ANKS1B: variants seen among roughly 807,000 people sequenced by gnomAD.
ANKS1B encodes the protein ankyrin repeat and sterile alpha motif domain-containing protein 1B.
In ANKS1B, 36 loss-of-function variants were observed where a neutral mutation model predicts 148.3. That is an observed-to-expected ratio of 0.24 (90% CI 0.19 to 0.32). ANKS1B has a LOEUF of 0.32. Among genes scored for constraint, ANKS1B ranks in the 10% least tolerant of loss-of-function variants. The probability of loss-of-function intolerance (pLI) is 1.00; values close to 1 mark genes in which losing one functional copy is unlikely to be tolerated. For synonymous variants in ANKS1B, 542 were observed against 560.8 expected, an observed-to-expected ratio of 0.97 and a Z score of 0.47; for missense variants, 1,157 against 1,542.6, an observed-to-expected ratio of 0.75 and a Z score of 4.19.
chr12:99,801,315 CTTCAAGAAGT>C (rs2066923434), intron 4 of ANKS1B, among the ~76,000 whole-genome samples: 2 of 152,182 alleles, frequency 1.3e-5, no homozygotes, highest in African/African-American at 4.8e-5. Flanking sequence ...CCCCCAGCTT[CTTCAAGAAGT>C]CACCAGTGAA....
intron 17 of ANKS1B, among the ~76,000 whole-genome samples, chr12:98,909,887 A>C (rs1204193832): frequency 4.6e-5 from 7 of 152,242 alleles, no homozygotes; most frequent in Non-Finnish European, 8.8e-5. Context: ...CCTTTCAGCA[A>C]GTACCAGCTT....
chr12:99,387,339 C>A (rs1022369214), intron 12 of ANKS1B, among the ~76,000 whole-genome samples: 2 of 152,106 alleles, frequency 1.3e-5, no homozygotes, highest in South Asian at 4.1e-4. Context: ...GAAGCCTGGC[C>A]GGGCGCGGTG....
chr12:98,994,410 G>A (rs948551350), intron 17 of ANKS1B, among the ~76,000 whole-genome samples: 1 of 152,102 alleles, frequency 6.6e-6, no homozygotes, highest in Non-Finnish European at 1.5e-5. Context: ...GAGGTCAAGA[G>A]CTCAATACCA....
At chr12:99,308,436 G>A (rs1407009149) in intron 12 of ANKS1B, among the ~76,000 whole-genome samples, 1 of 151,902 alleles carries the variant, frequency 6.6e-6, no homozygotes, top group Non-Finnish European at 1.5e-5. Flanking sequence ...ACAAATGTTT[G>A]TCCTTCAATT....
chr12:99,931,847 G>A (rs2094624757), intron 1 of ANKS1B, among the ~76,000 whole-genome samples: 1 of 152,010 alleles, frequency 6.6e-6, no homozygotes, highest in Admixed American at 6.6e-5. Context: ...TCACCCTGTT[G>A]TGCTATCAAA....
intron 14 of ANKS1B, among the ~76,000 whole-genome samples, chr12:99,161,419 C>T (rs907474549): frequency 1.3e-5 from 2 of 152,012 alleles, no homozygotes; most frequent in Non-Finnish European, 2.9e-5. Flanking sequence ...ATCCCAGCTA[C>T]TCGGGAGGCT....
chr12:99,778,182 A>T (rs1426506340), intron 6 of ANKS1B, among the ~76,000 whole-genome samples: 2 of 151,462 alleles, frequency 1.3e-5, no homozygotes, highest in Non-Finnish European at 2.9e-5. Context: ...CCTGGGTGAC[A>T]GAGTGAGACT....
At chr12:98,939,773 GCTTCAAA>G (rs2153007503) in intron 17 of ANKS1B, among the ~76,000 whole-genome samples, 1 of 152,280 alleles carries the variant, frequency 6.6e-6, no homozygotes, top group South Asian at 2.1e-4. Flanking sequence ...AAAGAAAATG[GCTTCAAA>G]GATTCCCAGG....
chr12:99,428,373 G>C (rs1249514505), intron 11 of ANKS1B, among the ~76,000 whole-genome samples: 1 of 152,144 alleles, frequency 6.6e-6, no homozygotes, highest in Non-Finnish European at 1.5e-5. Flanking sequence ...CGGTATCAGA[G>C]CCCAAGTGGG....
chr12:98,891,392 G>T (rs2099752296), intron 17 of ANKS1B, among the ~76,000 whole-genome samples: 1 of 151,760 alleles, frequency 6.6e-6, no homozygotes, highest in Admixed American at 6.6e-5. Flanking sequence ...AAAGAACTCA[G>T]CTTAATCATA....
intron 3 of ANKS1B, among the ~76,000 whole-genome samples, chr12:99,807,667 C>T (rs1055491668): frequency 6.6e-6 from 1 of 152,088 alleles, no homozygotes; most frequent in Non-Finnish European, 1.5e-5. Context: ...ATTTAATCCT[C>T]ATTATGAGAT....
chr12:99,238,149 G>A (rs1234123988), intron 14 of ANKS1B, among the ~76,000 whole-genome samples: 1 of 152,224 alleles, frequency 6.6e-6, no homozygotes, highest in Non-Finnish European at 1.5e-5. Flanking sequence ...CCTAGCCAAG[G>A]GAAACTGTGA....
At chr12:99,283,648 G>T (rs1275295003) in intron 12 of ANKS1B, among the ~76,000 whole-genome samples, 2 of 152,150 alleles carry the variant, frequency 1.3e-5, no homozygotes, top group East Asian at 3.9e-4. Flanking sequence ...TAAATAGCTG[G>T]GTTAAGTAGA....
At chr12:99,045,673 A>G (rs889765023) in intron 17 of ANKS1B, among the ~76,000 whole-genome samples, 1 of 152,200 alleles carries the variant, frequency 6.6e-6, no homozygotes, top group Non-Finnish European at 1.5e-5. Flanking sequence ...TATCTTTCCA[A>G]TGGACACAAC....
At chr12:99,429,825 G>T (rs371127494) in intron 11 of ANKS1B, among the ~76,000 whole-genome samples, 1 of 152,002 alleles carries the variant, frequency 6.6e-6, no homozygotes, top group African/African-American at 2.4e-5. Flanking sequence ...TTAGCCGGGC[G>T]TGGTGGCAGG....
chr12:99,015,276 G>A (rs908176660), intron 17 of ANKS1B, among the ~76,000 whole-genome samples: 9 of 152,052 alleles, frequency 5.9e-5, no homozygotes, highest in Non-Finnish European at 1.2e-4. Flanking sequence ...ACACAGGAAC[G>A]GAAAAGCAAA....
At chr12:99,955,691 T>C (rs756724572) in intron 1 of ANKS1B, among the ~76,000 whole-genome samples, 26 of 152,014 alleles carry the variant, frequency 1.7e-4, no homozygotes, top group Non-Finnish European at 3.2e-4. Context: ...AGGCTTGAGT[T>C]ACAAAGAACA....
At chr12:99,380,942 C>T (rs1324288969) in intron 12 of ANKS1B, among the ~76,000 whole-genome samples, 1 of 152,068 alleles carries the variant, frequency 6.6e-6, no homozygotes, top group African/African-American at 2.4e-5. Flanking sequence ...AACCAATTAA[C>T]AAAGGTGGGC....
chr12:99,892,082 C>T (rs148396844), intron 1 of ANKS1B, among the ~76,000 whole-genome samples: 311 of 152,284 alleles, frequency 2.0e-3, no homozygotes, highest in African/African-American at 7.3e-3. Context: ...CGGCTCACTG[C>T]AACCTCCGCC....
Sources: allele counts gnomAD v4.1 joint callset (sites outside exome capture counted in the v4.1 genomes callset), GRCh38; gene constraint gnomAD v4.1.1; transcripts MANE v1.5; gene names NCBI Gene and HGNC (gene_info 2026-07-23, HGNC 2026-07-21).